Variants in APOBEC1 observed in about 807,000 individuals in gnomAD.
APOBEC1 encodes the protein apolipoprotein B mRNA editing enzyme catalytic subunit 1, also known as C->U-editing enzyme APOBEC-1.
In APOBEC1, 22 loss-of-function variants were observed where a neutral mutation model predicts 26.3. That is an observed-to-expected ratio of 0.84 (90% CI 0.60 to 1.19). The LOEUF is 1.19. Among genes scored for constraint, APOBEC1 ranks in the 50% most tolerant of loss-of-function variants. The pLI is 0.00. For synonymous variants in APOBEC1, 77 were observed against 95.3 expected (o/e 0.81, Z 1.12); for missense variants, 253 against 289.0 (o/e 0.88, Z 0.90).
chr12:7,651,644 T>G (rs1023841864), intron 3 of APOBEC1, among the ~76,000 whole-genome samples: 4 of 151,132 alleles, frequency 2.6e-5, no homozygotes, highest in African/African-American at 7.3e-5. Flanking sequence ...TGTTGTTTGT[T>G]TTTGTTTTTG....
At chr12:7,659,690 C>T (rs190556546) in intron 1 of APOBEC1, among the ~76,000 whole-genome samples, 1 of 152,294 alleles carries the variant, frequency 6.6e-6, no homozygotes. Context: ...CAACTACTGG[C>T]CAGGCACAGC....
chr12:7,655,449 A>G (rs1863700016), intron 1 of APOBEC1, among the ~76,000 whole-genome samples: 1 of 151,860 alleles, frequency 6.6e-6, no homozygotes, highest in Non-Finnish European at 1.5e-5. Context: ...CAGGAGGTGG[A>G]GGTTGCAGTG....
At chr12:7,654,517 A>T in intron 2 of APOBEC1, 88 bp downstream of exon 2, 1 of 1,372,506 alleles carries the variant, frequency 7.3e-7, no homozygotes, top group Non-Finnish European at 1.0e-6. Context: ...AGCTGGGATT[A>T]TAGGCGCATG....
intron 1 of APOBEC1, among the ~76,000 whole-genome samples, chr12:7,660,410 A>AAGAAAGAAAGAAAGAAAGAG (rs111744018): frequency 7.2e-4 from 61 of 84,256 alleles, no homozygotes; most frequent in African/African-American, 2.0e-3. Context: ...GAAAGAAAGA[A>AAGAAAGAAAGAAAGAAAGAG]AGAGAGGGTA....
chr12:7,668,243 C>G (rs768649094), upstream of APOBEC1, among the ~76,000 whole-genome samples: 5 of 152,170 alleles, frequency 3.3e-5, no homozygotes, highest in Non-Finnish European at 7.3e-5. Flanking sequence ...GGAATGGATT[C>G]TCCCCCAGAG....
chr12:7,659,955 C>T (rs1049754435), intron 1 of APOBEC1, among the ~76,000 whole-genome samples: 6 of 151,722 alleles, frequency 4.0e-5, no homozygotes, highest in Non-Finnish European at 5.9e-5. Context: ...GGCGACAGAG[C>T]GAGACTACGT....
rs1480192448 is a variant in APOBEC1, at chr12:7,651,038, C to A, written c.546G>T (p.Leu182=). The change falls in exon 4 of 5, where the codon CTG becomes CTT. Residue 182 remains leucine (L), a synonymous_variant. Transcript: ENST00000229304. ...PLWMMLYALE[L]HCIILSLPPC... Reference sequence around the variant, plus strand: ...AGTGACTTACTAGAATTATGCAGTGCAGCTCCAGTGCGTACAACATCATCC... The same window carrying A: ...AGTGACTTACTAGAATTATGCAGTGAAGCTCCAGTGCGTACAACATCATCC... The A allele has an allele frequency of 6.2e-7, 1 of 1,611,976 alleles. No individual in the cohort carries two copies. The highest frequency in any genetic ancestry group is 8.5e-7 in the Non-Finnish European group (1 of 1,178,088).
At chr12:7,663,020 G>GATTATTT (rs1863842011) in intron 1 of APOBEC1, among the ~76,000 whole-genome samples, 1 of 152,142 alleles carries the variant, frequency 6.6e-6, no homozygotes, top group Admixed American at 6.6e-5. Flanking sequence ...GGACTCAGAG[G>GATTATTT]CTTGGGGATG....
chr12:7,650,683 C>A (rs1863624929), intron 4 of APOBEC1, among the ~76,000 whole-genome samples: 1 of 152,196 alleles, frequency 6.6e-6, no homozygotes, highest in African/African-American at 2.4e-5. Flanking sequence ...ATCCTCCCAT[C>A]TTGGCCTTCC....
At chr12:7,661,575 G>A (rs1863821093) in intron 1 of APOBEC1, among the ~76,000 whole-genome samples, 2 of 152,036 alleles carry the variant, frequency 1.3e-5, no homozygotes, top group South Asian at 4.2e-4. Context: ...AACTCGAGAG[G>A]AAGGAGAAAA....
intron 1 of APOBEC1, among the ~76,000 whole-genome samples, chr12:7,663,380 G>T (rs974273553): frequency 6.6e-6 from 1 of 152,086 alleles, no homozygotes; most frequent in Non-Finnish European, 1.5e-5. Flanking sequence ...GAAATAGGAC[G>T]AAGTCAGGAA....
intron 1 of APOBEC1, among the ~76,000 whole-genome samples, chr12:7,656,795 AAAC>A (rs1230835600): frequency 6.6e-6 from 1 of 152,220 alleles, no homozygotes; most frequent in Non-Finnish European, 1.5e-5. Context: ...GATGCTTCAT[AAAC>A]GTTAAGCACT....
intron 1 of APOBEC1, among the ~76,000 whole-genome samples, chr12:7,656,647 G>C (rs897396717): frequency 6.6e-6 from 1 of 152,174 alleles, no homozygotes; most frequent in African/African-American, 2.4e-5. Flanking sequence ...AACACATTTG[G>C]CAAGTTTCCT....
intron 1 of APOBEC1, among the ~76,000 whole-genome samples, chr12:7,661,339 A>G (rs997133459): frequency 6.6e-6 from 1 of 152,098 alleles, no homozygotes; most frequent in Non-Finnish European, 1.5e-5. Context: ...CAGAGTCAAT[A>G]CAAGCCCAAA....
chr12:7,660,618 G>A lies in APOBEC1; in HGVS notation c.16+5239C>T, dbSNP rs551691481. 2.2e-3 allele frequency among the ~76,000 whole-genome samples: 317 copies of A among 146,176 alleles called. 3 individuals are homozygous for A. The highest frequency in any genetic ancestry group is 7.5e-3 in the African/African-American group (298 of 39,550). On this transcript the variant is annotated intron_variant, in intron 1 of 4. Transcript: ENST00000229304. Reference sequence around the variant, plus strand: ...CTCAGGAGGCCGAGGCACAAGAATCGCTTGAACCCGGGAGGCGGAGCTTGC... The same window carrying A: ...CTCAGGAGGCCGAGGCACAAGAATCACTTGAACCCGGGAGGCGGAGCTTGC...
rs532364459 is a variant in APOBEC1, at chr12:7,655,506, C to T, written c.17-874G>A. Among the ~76,000 whole-genome samples, 4 of 149,582 alleles carry T rather than the reference C, an allele frequency of 2.7e-5. No homozygotes were observed. The South Asian group carries it at 8.4e-4, about 32-fold the overall frequency. On this transcript the variant is annotated intron_variant, in intron 1 of 4. Transcript: ENST00000229304. ...CTCTAGCCTGAGTGACAGAGCAAGA[C>T]TCCTTAAAAAAAAAAAAAGAAAGAA...
At chr12:7,657,111 A>G (rs760596833) in intron 1 of APOBEC1, among the ~76,000 whole-genome samples, 123 of 151,752 alleles carry the variant, frequency 8.1e-4, no homozygotes, top group Non-Finnish European at 1.4e-3. Context: ...GAAAAAGGGA[A>G]CTAATAATAC....
upstream of APOBEC1, among the ~76,000 whole-genome samples, chr12:7,668,613 C>T (rs1859307752): frequency 6.6e-6 from 1 of 152,150 alleles, no homozygotes; most frequent in Non-Finnish European, 1.5e-5. Context: ...TGTAGCTATT[C>T]AGTTTAAGTC....
chr12:7,654,400 C>G (rs1863686126), intron 2 of APOBEC1, among the ~76,000 whole-genome samples: 1 of 131,572 alleles, frequency 7.6e-6, no homozygotes, highest in Non-Finnish European at 1.6e-5. Context: ...GAGACAGGGT[C>G]TCAGTCTGTT....
Sources: gnomAD v4.1 joint callset for allele counts (sites outside exome capture counted in the v4.1 genomes callset) on GRCh38, gnomAD v4.1.1 for gene constraint, MANE v1.5 for transcripts, NCBI Gene and HGNC (gene_info 2026-07-23, HGNC 2026-07-21) for gene names.